Variants in INPP5K observed in about 807,000 individuals in gnomAD.
INPP5K encodes the protein inositol polyphosphate 5-phosphatase K.
Under a neutral mutation model 53.5 loss-of-function variants are expected in INPP5K, and 35 were observed. The observed-to-expected ratio is 0.65, with a 90% confidence interval of 0.50 to 0.87. INPP5K has a LOEUF of 0.87. Among genes scored for constraint, INPP5K ranks in the 40% least tolerant of loss-of-function variants. The pLI, the probability that INPP5K is intolerant of heterozygous loss-of-function variation, is 0.00. For synonymous variants in INPP5K, 253 were observed against 232.8 expected (o/e 1.09, Z -0.79); for missense variants, 550 against 586.2 (o/e 0.94, Z 0.64).
At chr17:1,510,121 T>C (rs1296060250) in intron 3 of INPP5K, among the ~76,000 whole-genome samples, 1 of 152,268 alleles carries the variant, frequency 6.6e-6, no homozygotes, top group East Asian at 1.9e-4. Context: ...GTATTTGACA[T>C]TGAGGCAGTT....
At chr17:1,503,503 A>AT (rs1396466856) in intron 7 of INPP5K, among the ~76,000 whole-genome samples, 1 of 151,842 alleles carries the variant, frequency 6.6e-6, no homozygotes, top group African/African-American at 2.4e-5. Flanking sequence ...TTTTAAAAAA[A>AT]TTTTGCAGGG....
Position 1,514,019 on chromosome 17 carries a change from G to A in INPP5K, c.45-40C>T, listed in dbSNP as rs765751545. 6.9e-6 allele frequency: 10 copies of A among 1,447,848 alleles called. No individual in the cohort carries two copies. In the East Asian group the frequency reaches 2.1e-4, roughly 30 times the overall value. 89.7% of individuals were successfully genotyped at this position (1,447,848 alleles called of 1,614,324 possible). A position where few individuals can be genotyped will look rare whatever the true frequency, so the allele number is the denominator to read the frequency against. Reference sequence around the variant, plus strand: ...CAGAGGGAAGTCATGGAGGAAGGAGGATAAGATAGTGCACGGGGTCGGCTG... The same window carrying A: ...CAGAGGGAAGTCATGGAGGAAGGAGAATAAGATAGTGCACGGGGTCGGCTG... On this transcript the variant is annotated intron_variant, in intron 1 of 11. Transcript: ENST00000421807.
intron 2 of INPP5K, 93 bp from the exon 3 acceptor site, chr17:1,513,654 C>G (rs773817956): frequency 8.4e-6 from 10 of 1,195,348 alleles, no homozygotes; most frequent in Non-Finnish European, 1.2e-5. Flanking sequence ...CTTTCAAGGC[C>G]TGAGTTCTGA....
At chr17:1,496,500 T>A (rs2074845396) in intron 9 of INPP5K, 98 bp from the exon 10 acceptor site, 1 of 1,322,638 alleles carries the variant, frequency 7.6e-7, no homozygotes, top group Admixed American at 2.0e-5. Flanking sequence ...CTGGCTACCG[T>A]ACTGTGTGCC....
chr17:1,514,370 T>C (rs1237854687), intron 1 of INPP5K, among the ~76,000 whole-genome samples: 1 of 151,586 alleles, frequency 6.6e-6, no homozygotes, highest in Non-Finnish European at 1.5e-5. Flanking sequence ...CCTGCTTATG[T>C]CACTGCAATC....
At chr17:1,508,948 G>C (rs1407402927) in intron 5 of INPP5K, 4 of 424,560 alleles carry the variant, frequency 9.4e-6, no homozygotes, top group South Asian at 2.1e-5. Flanking sequence ...CTCACTCGTG[G>C]GGGTCAGCGT....
intron 7 of INPP5K, among the ~76,000 whole-genome samples, chr17:1,502,528 A>T (rs1286231958): frequency 9.7e-6 from 1 of 102,716 alleles, no homozygotes; most frequent in Non-Finnish European, 2.0e-5. Context: ...CTCTCAGCCC[A>T]CCCCCACCCC....
At chr17:1,506,214 G>C (rs1437524598) in intron 7 of INPP5K, among the ~76,000 whole-genome samples, 1 of 152,044 alleles carries the variant, frequency 6.6e-6, no homozygotes, top group Non-Finnish European at 1.5e-5. Context: ...AGTAGAGATG[G>C]GGTTTTACCA....
chr17:1,505,838 A>G (rs1248167343), intron 7 of INPP5K, among the ~76,000 whole-genome samples: 1 of 152,192 alleles, frequency 6.6e-6, no homozygotes, highest in Non-Finnish European at 1.5e-5. Context: ...TCCCGCTGGA[A>G]CAAAGACCCT....
rs1179843561 is a variant in INPP5K at position 1,508,209 on chromosome 17, C to T, written c.572G>A (p.Gly191Glu). The T allele has an allele frequency of 6.2e-7, 1 of 1,613,718 alleles. No homozygotes were observed. Among genetic ancestry groups the T allele is most frequent in the Non-Finnish European group, 8.5e-7 (1 of 1,179,802 alleles). The change falls in exon 6 of 12, where the codon GGA becomes GAA. Residue 191 changes from glycine (G) to glutamate (E), a missense_variant. Transcript: ENST00000421807. The part of the protein sequence containing the change: ...ILDHDLIIWF[G>E]DMNFRIEDFG... ...GTCCTCGATCCGAAAGTTCATGTCTCCAAACCAGATAATGAGGCTTCAGAA... is the reference window on the plus strand; with the variant it reads ...GTCCTCGATCCGAAAGTTCATGTCTTCAAACCAGATAATGAGGCTTCAGAA...
At chr17:1,508,298 G>T in intron 5 of INPP5K, 72 bp from the exon 6 acceptor site, 2 of 1,236,366 alleles carry the variant, frequency 1.6e-6, no homozygotes, top group Non-Finnish European at 2.4e-6. Flanking sequence ...AGGTGGCTCA[G>T]CCTGCTCAAC....
At chr17:1,514,295 C>G (rs1441868398) in intron 1 of INPP5K, among the ~76,000 whole-genome samples, 1 of 144,284 alleles carries the variant, frequency 6.9e-6, no homozygotes, top group Non-Finnish European at 1.5e-5. Context: ...TGCACTCCAG[C>G]CTGGGTGACA....
At chr17:1,514,748 G>A (rs2075393085) in intron 1 of INPP5K, among the ~76,000 whole-genome samples, 1 of 152,098 alleles carries the variant, frequency 6.6e-6, no homozygotes. Context: ...CCACCAGGAA[G>A]ATCCTAGGGA....
At chr17:1,496,843 T>A in intron 8 of INPP5K, 40 bp from the exon 9 acceptor site, 1 of 1,603,834 alleles carries the variant, frequency 6.2e-7, no homozygotes, top group Non-Finnish European at 8.5e-7. Flanking sequence ...TCTCGCAGCA[T>A]CATTCCCTCC....
rs1441125979 is a variant in INPP5K at position 1,495,824 on chromosome 17, C to T, written c.1346G>A (p.Ter449=). 1 of 1,612,248 alleles carries T rather than the reference C, an allele frequency of 6.2e-7. No homozygotes were observed. ...DPLGEAQPQI[*] is the part of the protein sequence containing the mutation. ...CCTGGGATTCACTCCCATCCTGGCT[C>T]AGATCTGTGGCTGTGCTTCACCCAG... is the stretch of plus-strand genomic sequence containing the variant. Residue 449 remains the stop codon, a stop_retained_variant, in exon 12 of 12, where the codon TGA becomes TAA. Coordinates refer to ENST00000421807, the MANE Select transcript of INPP5K (RefSeq NM_016532.4).
chr17:1,509,279 A>T lies in INPP5K; in HGVS notation c.453T>A (p.Pro151=). The T allele has an allele frequency of 6.2e-7, 1 of 1,614,088 alleles. No individual in the cohort carries two copies. The highest frequency in any genetic ancestry group is 8.5e-7 in the Non-Finnish European group (1 of 1,180,002). ...YYVSIINCHL[P]PHISNNYQRL... The stretch of plus-strand genomic sequence containing the variant: ...GCTGGTAATTGTTGGAAATGTGGGG[A>T]GGCAGGTGGCAGTTGATGATGCTGA... The change falls in exon 5 of 12, where the codon CCT becomes CCA. Residue 151 remains proline, a synonymous_variant. Transcript: ENST00000421807.
intron 7 of INPP5K, among the ~76,000 whole-genome samples, chr17:1,504,706 G>T (rs1050029507): frequency 6.6e-6 from 1 of 152,238 alleles, no homozygotes; most frequent in Non-Finnish European, 1.5e-5. Context: ...ACGAGGACAT[G>T]GTAGGAACTG....
chr17:1,513,282 G>C (rs1188353243), intron 3 of INPP5K, among the ~76,000 whole-genome samples, 171 bp downstream of exon 3: 1 of 152,182 alleles, frequency 6.6e-6, no homozygotes, highest in Non-Finnish European at 1.5e-5. Flanking sequence ...GAAAGGCGAA[G>C]GCAGGCAGGG....
intron 7 of INPP5K, among the ~76,000 whole-genome samples, chr17:1,501,295 C>T (rs2075007218): frequency 6.6e-6 from 1 of 152,224 alleles, no homozygotes; most frequent in African/African-American, 2.4e-5. Flanking sequence ...TCCCAATGTA[C>T]TGGTGTCCCT....
Sources: gnomAD v4.1 joint callset for allele counts (sites outside exome capture counted in the v4.1 genomes callset) on GRCh38, gnomAD v4.1.1 for gene constraint, MANE v1.5 for transcripts, NCBI Gene and HGNC (gene_info 2026-07-23, HGNC 2026-07-21) for gene names.